SLC25A41: variants seen among roughly 807,000 people sequenced by gnomAD.
SLC25A41 encodes the protein mitochondrial carrier protein SCaMC-3L.
A neutral mutation model predicts 34.7 loss-of-function variants in SLC25A41; 35 were observed. That is an observed-to-expected ratio of 1.01 (90% CI 0.77 to 1.34). The LOEUF is 1.34. Ranked by LOEUF, SLC25A41 falls within the 40% of genes most tolerant of loss-of-function variation. The pLI, the probability that SLC25A41 is intolerant of heterozygous loss-of-function variation, is 0.00. For synonymous variants in SLC25A41, 190 were observed against 209.9 expected, an observed-to-expected ratio of 0.91 and a Z score of 0.82; for missense variants, 492 against 489.8, an observed-to-expected ratio of 1.00 and a Z score of -0.04.
intron 1 of SLC25A41, 72 bp from the exon 2 acceptor site, chr19:6,432,276 C>T (rs1431123781): frequency 4.0e-6 from 6 of 1,510,504 alleles, no homozygotes; most frequent in Non-Finnish European, 5.4e-6. Flanking sequence ...ACATCTAGGG[C>T]ACCCACCTGG....
At chr19:6,429,074 A>ATACATATTATATATATGTT (rs1491555943) in intron 4 of SLC25A41, among the ~76,000 whole-genome samples, 1 of 57,256 alleles carries the variant, frequency 1.7e-5, no homozygotes, top group Non-Finnish European at 2.7e-5. Context: ...ATATATATAT[A>ATACATATTATATATATGTT]ATATATATAT....
At chr19:6,429,508 GAGGAGA>G (rs2092273881) in intron 4 of SLC25A41, among the ~76,000 whole-genome samples, 3 of 135,862 alleles carry the variant, frequency 2.2e-5, no homozygotes, top group Non-Finnish European at 3.2e-5. Flanking sequence ...AAAGGAGGAG[GAGGAGA>G]GGAGGAAGGA....
chr19:6,435,567 C>G (rs917610375), upstream of SLC25A41, among the ~76,000 whole-genome samples: 5 of 152,050 alleles, frequency 3.3e-5, no homozygotes, highest in Admixed American at 6.6e-5. Context: ...CTAAAAATAA[C>G]GAAAATTAGC....
Position 6,426,496 on chromosome 19 carries a change from A to G in SLC25A41, c.1006T>C (p.Trp336Arg), listed in dbSNP as rs762351278. Residue 336 changes from tryptophan (W) to arginine (R), a missense_variant, in exon 7 of 7, where the codon TGG (tryptophan) becomes CGG (arginine). Coordinates refer to ENST00000321510, the MANE Select transcript of SLC25A41 (RefSeq NM_173637.4). ...VLQRILAQQG[W>R]LGLYRGMTPT... The stretch of plus-strand genomic sequence containing the variant: ...GTCATGCCTCGGTACAGCCCTAGCC[A>G]GCCCTGCTGGGCCAGGATCCGCTGG... 6.2e-7 allele frequency: 1 copy of G among 1,613,606 alleles called. No homozygotes were observed. Among genetic ancestry groups the G allele is most frequent in the Non-Finnish European group, 8.5e-7 (1 of 1,179,838 alleles).
In SLC25A41 at chr19:6,427,214, T is replaced by C; in HGVS notation, c.829A>G (p.Met277Val). 1 of 1,612,722 alleles carries C rather than the reference T, an allele frequency of 6.2e-7. No homozygotes were observed. The highest frequency in any genetic ancestry group is 1.7e-5 in the Admixed American group (1 of 59,988). The change falls in exon 6 of 7, where the codon ATG becomes GTG. Residue 277 changes from methionine (M) to valine (V), a missense_variant. By Grantham distance (21) the Met-to-Val change is conservative. Transcript: ENST00000321510. This position sits in a 1 kb window ranked among gnomAD's most constrained non-coding sequence, Gnocchi z 4.9. ...CTGACCAGGCCACTGGGGTCCCCCA[T>C]ATCCCTGCCTGACTTCACCCAGAAG... ...QCFWVKSGRD[M>V]GDPSGLVSLS...
At chr19:6,433,445 C>A (rs1599261028) in intron 1 of SLC25A41, 42 bp downstream of exon 1, 1 of 1,593,998 alleles carries the variant, frequency 6.3e-7, no homozygotes, top group Non-Finnish European at 8.6e-7. Context: ...TCCCTGTAGT[C>A]CTGACCAGAG....
Position 6,426,488 on chromosome 19 carries a change from C to T in SLC25A41, c.1014G>A (p.Gly338=), listed in dbSNP as rs781002680. 6.2e-6 allele frequency: 10 copies of T among 1,613,594 alleles called. No individual in the cohort carries two copies. Among genetic ancestry groups the T allele is most frequent in the Non-Finnish European group, 7.6e-6 (9 of 1,179,840 alleles). ...QRILAQQGWL[G]LYRGMTPTLL... ...GCGTGGGGGTCATGCCTCGGTACAG[C>T]CCTAGCCAGCCCTGCTGGGCCAGGA... Residue 338 remains glycine (G), a synonymous_variant, in exon 7 of 7, where the codon GGG becomes GGA. Coordinates refer to ENST00000321510, the MANE Select transcript of SLC25A41 (RefSeq NM_173637.4).
chr19:6,430,452 GTTCC>G, intron 2 of SLC25A41: 1 of 466,532 alleles, frequency 2.1e-6, no homozygotes, highest in Non-Finnish European at 3.8e-6. Context: ...CTCCCTTTTT[GTTCC>G]CTCCCTCCCT....
chr19:6,428,245 T>C lies in SLC25A41; in HGVS notation c.625-744A>G, dbSNP rs112108040. Among the ~76,000 whole-genome samples, 199 of 151,996 alleles carry C rather than the reference T, an allele frequency of 1.3e-3. 1 individual carries two copies. Among genetic ancestry groups the C allele is most frequent in the African/African-American group, 4.1e-3 (170 of 41,474 alleles). On this transcript the variant is annotated intron_variant, in intron 4 of 6. Transcript: ENST00000321510. ...CATCCTGGGCAACATGGCGAAACCC[T>C]GTCTCTACTAAAAATACAAAAATTA...
chr19:6,429,073 TAATATATATATTATATATATGTTAC>T (rs2092261019), intron 4 of SLC25A41, among the ~76,000 whole-genome samples: 1 of 59,766 alleles, frequency 1.7e-5, no homozygotes, highest in African/African-American at 9.9e-5. Context: ...TATATATATA[TAATATATATATTATATATATGTTAC>T]ATATATATAT....
chr19:6,428,549 C>G (rs1368838404), intron 4 of SLC25A41, among the ~76,000 whole-genome samples: 2 of 146,068 alleles, frequency 1.4e-5, no homozygotes, highest in Non-Finnish European at 3.0e-5. Context: ...ATATAACATG[C>G]ATAGACATAT....
intron 4 of SLC25A41, among the ~76,000 whole-genome samples, chr19:6,429,153 A>G (rs181683832): frequency 0.019 from 557 of 29,424 alleles, 135 homozygotes; most frequent in African/African-American, 0.062. Context: ...TAATATATAT[A>G]TTATATATAT....
Position 6,429,749 on chromosome 19 carries a change from G to C in SLC25A41, c.599C>G (p.Ser200Cys), listed in dbSNP as rs762438303. Residue 200 changes from serine (S) to cysteine (C), a missense_variant, in exon 4 of 7, where the codon TCC becomes TGC. Coordinates refer to ENST00000321510, the MANE Select transcript of SLC25A41 (RefSeq NM_173637.4). ...CTCCATGGGGTTGATGAGGGTCTGGGAGATGGCCACAGCCAGGGAGCCAGC... is the reference window on the plus strand; with the variant it reads ...CTCCATGGGGTTGATGAGGGTCTGGCAGATGGCCACAGCCAGGGAGCCAGC... ...LLAGSLAVAI[S>C]QTLINPMEVL... 6.2e-7 allele frequency: 1 copy of C among 1,607,334 alleles called. No homozygotes were observed. Among genetic ancestry groups the C allele is most frequent in the Non-Finnish European group, 8.5e-7 (1 of 1,177,474 alleles).
Position 6,426,259 on chromosome 19 carries a change from C to A in SLC25A41, c.*130G>T. On this transcript the variant is annotated 3_prime_UTR_variant, in exon 7 of 7. Transcript: ENST00000321510. Reference sequence around the variant, plus strand: ...TCTGACCCAGAGCCCCACCCCCACCCCCAGCCTGCTTTTGCCACCAAAAAC... The same window carrying A: ...TCTGACCCAGAGCCCCACCCCCACCACCAGCCTGCTTTTGCCACCAAAAAC... 1 of 687,712 alleles carries A rather than the reference C, an allele frequency of 1.5e-6. No individual in the cohort carries two copies. The highest frequency in any genetic ancestry group is 2.1e-6 in the Non-Finnish European group (1 of 477,052). The allele number at this position is 687,712 out of a possible 1,614,324, so 42.6% of individuals were successfully genotyped here. A position where few individuals can be genotyped will look rare whatever the true frequency, so the allele number is the denominator to read the frequency against.
chr19:6,429,197 AAT>A (rs2092268723), intron 4 of SLC25A41, among the ~76,000 whole-genome samples: 1 of 78,680 alleles, frequency 1.3e-5, no homozygotes, highest in Middle Eastern at 5.9e-3. Flanking sequence ...TTATATATAT[AAT>A]ATATATGTTG....
intron 1 of SLC25A41, among the ~76,000 whole-genome samples, 180 bp downstream of exon 1, chr19:6,433,307 C>T (rs961572176): frequency 3.9e-5 from 6 of 152,134 alleles, no homozygotes; most frequent in African/African-American, 1.4e-4. Context: ...CCTCAACCTC[C>T]CAAAGTGCTG....
chr19:6,432,152 T>C lies in SLC25A41; in HGVS notation c.260A>G (p.Asp87Gly). 1 of 1,613,934 alleles carries C rather than the reference T, an allele frequency of 6.2e-7. No homozygotes were observed. Among genetic ancestry groups the C allele is most frequent in the African/African-American group, 1.3e-5 (1 of 75,040 alleles). Reference protein sequence around the residue: ...LMVPVEVLEVDNKEALWKFLL... With the variant: ...LMVPVEVLEVGNKEALWKFLL... The stretch of plus-strand genomic sequence containing the variant: ...AAACTTCCACAAGGCCTCCTTGTTA[T>C]CCACTTCCAGGACTTCCACGGGGAC... The change falls in exon 2 of 7, where the codon GAT (aspartate) becomes GGT (glycine). Residue 87 changes from aspartate to glycine, a missense_variant. Physicochemically the swap from Asp to Gly is moderately conservative, Grantham distance 94. Transcript: ENST00000321510.
chr19:6,436,193 C>T (rs2144680815), upstream of SLC25A41: 4 of 272,338 alleles, frequency 1.5e-5, no homozygotes, highest in South Asian at 1.5e-4. Flanking sequence ...ATATTCTGAG[C>T]ATTAGGAACT....
intron 4 of SLC25A41, among the ~76,000 whole-genome samples, chr19:6,429,025 A>ATATATATATTATATATATGT (rs1568349242): frequency 0.015 from 270 of 18,194 alleles, 63 homozygotes; most frequent in South Asian, 0.03. Context: ...CTGAAAATTT[A>ATATATATATTATATATATGT]TATATATATA....
Sources: gnomAD v4.1 joint callset for allele counts (sites outside exome capture counted in the v4.1 genomes callset) on GRCh38, gnomAD v4.1.1 for gene constraint, Gnocchi (gnomAD v3.1) non-coding constraint, MANE v1.5 for transcripts, NCBI Gene and HGNC (gene_info 2026-07-23, HGNC 2026-07-21) for gene names.